The following PLEKHM3 variants were observed in gnomAD, a reference collection of about 807,000 sequenced individuals.
PLEKHM3 encodes the protein pleckstrin homology domain-containing family M member 3.
PLEKHM3 carries 45 observed loss-of-function variants against 81.8 expected under a neutral mutation model. That is an observed-to-expected ratio of 0.55 (90% CI 0.43 to 0.71). The LOEUF (loss-of-function observed/expected upper bound fraction) is 0.71, where lower values mean the gene tolerates loss of function less well. Ranked by LOEUF, PLEKHM3 falls within the 30% of genes least tolerant of loss-of-function variation. The pLI, the probability that PLEKHM3 is intolerant of heterozygous loss-of-function variation, is 0.00. For synonymous variants in PLEKHM3, 352 were observed against 356.4 expected (o/e 0.99, Z 0.14); for missense variants, 788 against 924.3 (o/e 0.85, Z 1.91).
chr2:207,990,147 C>T (rs1691851527), intron 2 of PLEKHM3, among the ~76,000 whole-genome samples: 1 of 152,160 alleles, frequency 6.6e-6, no homozygotes. Context: ...ACCCTATCAC[C>T]ACTTTCACCC....
chr2:207,899,055 T>C (rs1363092568), intron 6 of PLEKHM3, among the ~76,000 whole-genome samples: 2 of 152,166 alleles, frequency 1.3e-5, no homozygotes, highest in Non-Finnish European at 2.9e-5. Flanking sequence ...ATGGGTGTAA[T>C]ATTGTTGAAA....
rs1232799030 is a variant in PLEKHM3 at position 207,843,789 on chromosome 2, G to A, written c.2109-15293C>T. Among the ~76,000 whole-genome samples, 1 of 152,012 alleles carries A rather than the reference G, an allele frequency of 6.6e-6. No homozygotes were observed. The highest frequency in any genetic ancestry group is 1.5e-5 in the Non-Finnish European group (1 of 67,982). ...TCCACCATCACAGATTCGCTTTCTG[G>A]AAAAAAACGTGGAATTTGGGGCGGG... On this transcript the variant is annotated intron_variant, in intron 7 of 7. Coordinates refer to ENST00000427836, the MANE Select transcript of PLEKHM3 (RefSeq NM_001080475.3). This position sits in a 1 kb window ranked among gnomAD's most constrained non-coding sequence, Gnocchi z 4.4.
At position 207,858,174 on chromosome 2, in the gene PLEKHM3, G is replaced by GTGTGTGTGTGTGTATATA. The variant is rs373920637; in HGVS notation, c.2108+2930_2108+2931insTATATACACACACACACA. On this transcript the variant is annotated intron_variant, in intron 7 of 7. Coordinates refer to ENST00000427836, the MANE Select transcript of PLEKHM3 (RefSeq NM_001080475.3). ...TGTGTGTGTGTGTGTGTGTGTGTGT[G>GTGTGTGTGTGTGTATATA]TATATATTTTTTTTTTTGAGATGAA... Among the ~76,000 whole-genome samples the GTGTGTGTGTGTGTATATA allele has an allele frequency of 2.8e-3, 344 of 123,258 alleles. 1 individual carries two copies. Among genetic ancestry groups the GTGTGTGTGTGTGTATATA allele is most frequent in the African/African-American group, 0.012 (328 of 28,330 alleles). The allele number at this position is 123,258 out of a possible 152,430, so 80.9% of individuals were successfully genotyped here.
In PLEKHM3 at chr2:207,861,913, G is replaced by T. The variant is rs1414780438; in HGVS notation, c.1951-651C>A. Among the ~76,000 whole-genome samples the T allele has an allele frequency of 2.0e-5, 3 of 152,138 alleles. No individual in the cohort carries two copies. In the East Asian group the frequency reaches 5.8e-4, roughly 29 times the overall value. On this transcript the variant is annotated intron_variant, in intron 6 of 7. Coordinates refer to ENST00000427836, the MANE Select transcript of PLEKHM3 (RefSeq NM_001080475.3). The stretch of plus-strand genomic sequence containing the variant: ...ACCCAGATTTTTGGAAAAATCAGAT[G>T]ATCTAGCACAACTATGCTTGGATTC...
chr2:207,968,308 T>C (rs1043061225), intron 3 of PLEKHM3, among the ~76,000 whole-genome samples: 8 of 151,906 alleles, frequency 5.3e-5, no homozygotes, highest in East Asian at 1.9e-4. Flanking sequence ...TTATCTTTGA[T>C]AGATGGTAGC....
At chr2:207,987,905 C>T (rs778162434) in intron 2 of PLEKHM3, among the ~76,000 whole-genome samples, 17 of 152,192 alleles carry the variant, frequency 1.1e-4, no homozygotes, top group Non-Finnish European at 2.4e-4. Flanking sequence ...GTAGCTAAAA[C>T]TCATTTTCTC....
rs1689574070 is a variant in PLEKHM3, at chr2:207,930,975, C to T, written c.1837G>A (p.Ala613Thr). 1.9e-6 allele frequency: 3 copies of T among 1,613,652 alleles called. No homozygotes were observed. Among genetic ancestry groups the T allele is most frequent in the Non-Finnish European group, 8.5e-7 (1 of 1,179,714 alleles). ...GCTGCCCGGCAGCTGAACAAATAGG[C>T]TCGGAGCGACTTCAGCCGCTGCCGC... ...RLRQRLKSLRAYLFSCRAAVA... is the reference protein window; with the variant it reads ...RLRQRLKSLRTYLFSCRAAVA... The change falls in exon 5 of 8, where the codon GCC (alanine) becomes ACC (threonine). Residue 613 changes from alanine to threonine, a missense_variant. Coordinates refer to ENST00000427836, the MANE Select transcript of PLEKHM3 (RefSeq NM_001080475.3).
At chr2:208,002,239 C>T (rs1335566673) in intron 1 of PLEKHM3, among the ~76,000 whole-genome samples, 1 of 152,156 alleles carries the variant, frequency 6.6e-6, no homozygotes, top group Non-Finnish European at 1.5e-5. Flanking sequence ...GAAAAGACTG[C>T]CCTGGCAAAT....
intron 1 of PLEKHM3, among the ~76,000 whole-genome samples, chr2:208,015,909 G>A (rs985300172): frequency 1.1e-4 from 16 of 152,062 alleles, no homozygotes; most frequent in African/African-American, 9.7e-5. Flanking sequence ...GAAATAAATC[G>A]CTGGCCAGGC....
At chr2:207,865,797 AAAAAAGATATAT>A (rs1169799673) in intron 6 of PLEKHM3, among the ~76,000 whole-genome samples, 710 of 38,014 alleles carry the variant, frequency 0.019, 77 homozygotes, top group African/African-American at 0.092. Context: ...AAAAAAAAAA[AAAAAAGATATAT>A]ATATATATAT....
intron 5 of PLEKHM3, among the ~76,000 whole-genome samples, chr2:207,924,261 G>A (rs1689310275): frequency 6.6e-6 from 1 of 152,116 alleles, no homozygotes; most frequent in African/African-American, 2.4e-5. Flanking sequence ...GGGATGTCCA[G>A]TACGCAGCTG....
intron 6 of PLEKHM3, among the ~76,000 whole-genome samples, chr2:207,862,683 T>C (rs2092473883): frequency 6.6e-6 from 1 of 152,078 alleles, no homozygotes; most frequent in African/African-American, 2.4e-5. Flanking sequence ...GAGGGAAATG[T>C]AGTATAAATC....
At chr2:207,908,668 T>C (rs985430280) in intron 5 of PLEKHM3, 91 bp from the exon 6 acceptor site, 43 of 1,145,840 alleles carry the variant, frequency 3.8e-5, no homozygotes, top group Non-Finnish European at 5.5e-5. Flanking sequence ...AGAATTCCTT[T>C]CCTCTGCCCT....
intron 4 of PLEKHM3, among the ~76,000 whole-genome samples, chr2:207,945,604 A>G (rs1247824237): frequency 6.6e-6 from 1 of 152,162 alleles, no homozygotes; most frequent in African/African-American, 2.4e-5. Context: ...GCGCTACTCT[A>G]CTATAAGAAA....
intron 3 of PLEKHM3, among the ~76,000 whole-genome samples, chr2:207,948,312 C>A (rs1690204729): frequency 1.4e-5 from 2 of 145,654 alleles, no homozygotes; most frequent in Admixed American, 1.4e-4. Context: ...TTTTTATGGG[C>A]TTGTCCAACC....
At chr2:207,961,565 T>C (rs377186976) in intron 3 of PLEKHM3, among the ~76,000 whole-genome samples, 1 of 152,244 alleles carries the variant, frequency 6.6e-6, no homozygotes, top group South Asian at 2.1e-4. Flanking sequence ...ATCAATTCTG[T>C]GGTTGCTTTT....
intron 7 of PLEKHM3, among the ~76,000 whole-genome samples, chr2:207,842,772 T>C (rs2092361715): frequency 6.6e-6 from 1 of 152,128 alleles, no homozygotes; most frequent in Non-Finnish European, 1.5e-5. Context: ...ATGTAAGAAG[T>C]CACTGAAAAC....
chr2:207,859,729 C>T (rs2092457078), intron 7 of PLEKHM3, among the ~76,000 whole-genome samples: 1 of 151,952 alleles, frequency 6.6e-6, no homozygotes, highest in Admixed American at 6.6e-5. Context: ...TCCTGAGTAG[C>T]TGGGGTTACA....
chr2:207,865,780 T>TC (rs1229820425), intron 6 of PLEKHM3, among the ~76,000 whole-genome samples: 2 of 2,782 alleles, frequency 7.2e-4, no homozygotes, highest in African/African-American at 2.4e-3. Flanking sequence ...AAACTCCGAC[T>TC]CAAAAAAAAA....
Sources: gnomAD v4.1 joint callset for allele counts (sites outside exome capture counted in the v4.1 genomes callset) on GRCh38, gnomAD v4.1.1 for gene constraint, Gnocchi (gnomAD v3.1) non-coding constraint, MANE v1.5 for transcripts, NCBI Gene and HGNC (gene_info 2026-07-23, HGNC 2026-07-21) for gene names.